GOLGB1: variants seen among roughly 807,000 people sequenced by gnomAD.
GOLGB1 encodes golgin subfamily B member 1.
GOLGB1 carries 174 observed loss-of-function variants against 336.9 expected under a neutral mutation model. The ratio of observed to expected loss-of-function variants is 0.52; its 90% CI spans 0.46 to 0.59. GOLGB1 has a LOEUF of 0.59. Among genes scored for constraint, GOLGB1 ranks in the 20% least tolerant of loss-of-function variants. GOLGB1 has a pLI of 0.00. For missense variants in GOLGB1, 3,331 were observed against 3,645.3 expected, an observed-to-expected ratio of 0.91 and a Z score of 2.22; for synonymous variants, 1,208 against 1,289.2, an observed-to-expected ratio of 0.94 and a Z score of 1.35.
At chr3:121,693,657 T>C in intron 13 of GOLGB1, 84 bp downstream of exon 13, 1 of 1,016,136 alleles carries the variant, frequency 9.8e-7, no homozygotes. Context: ...TTAGTCCCAT[T>C]GTCTAAAAGG....
chr3:121,741,531 G>A (rs773942085), intron 1 of GOLGB1, among the ~76,000 whole-genome samples: 2 of 152,190 alleles, frequency 1.3e-5, no homozygotes, highest in South Asian at 2.1e-4. Context: ...GGTGATATTC[G>A]TATCATCACT....
In GOLGB1 at chr3:121,668,118, T is replaced by C; in HGVS notation, c.9362A>G (p.Glu3121Gly). The C allele has an allele frequency of 6.2e-7, 1 of 1,608,568 alleles. No individual in the cohort carries two copies. Among genetic ancestry groups the C allele is most frequent in the Non-Finnish European group, 8.5e-7 (1 of 1,176,884 alleles). Residue 3121 changes from glutamate (E) to glycine (G), a missense_variant, in exon 19 of 22, where the codon GAA (glutamate) becomes GGA (glycine). By Grantham distance (98) the Glu-to-Gly change is moderately conservative. Coordinates refer to ENST00000614479, the MANE Select transcript of GOLGB1 (RefSeq NM_001366282.2). ...ACTCTTTCTGTGAACTCCATTCTTT[T>C]CCTGGGGAGCTCCTGGAGCAACATC... ...NIDVAPGAPQ[E>G]KNGVHRKSDP...
chr3:121,738,710 G>A (rs1229754347), intron 1 of GOLGB1, among the ~76,000 whole-genome samples: 1 of 152,128 alleles, frequency 6.6e-6, no homozygotes. Flanking sequence ...TGAAGAGTTG[G>A]GGCTCTCTTC....
intron 1 of GOLGB1, among the ~76,000 whole-genome samples, chr3:121,747,150 T>TTATATATATATA (rs548032779): frequency 6.1e-5 from 3 of 49,568 alleles, no homozygotes; most frequent in Non-Finnish European, 7.1e-5. Context: ...TACATGGATG[T>TTATATATATATA]TATATATATA....
In GOLGB1 at chr3:121,691,429, C is replaced by G. The variant is rs1942405832; in HGVS notation, c.7935G>C (p.Glu2645Asp). 6.2e-7 allele frequency: 1 copy of G among 1,613,654 alleles called. No homozygotes were observed. The highest frequency in any genetic ancestry group is 8.5e-7 in the Non-Finnish European group (1 of 1,179,972). Residue 2645 changes from glutamate to aspartate, a missense_variant, in exon 14 of 22, where the codon GAG becomes GAC. Transcript: ENST00000614479. The part of the protein sequence containing the change: ...YHAQLKVKEE[E>D]VHRLSALFSS... The stretch of plus-strand genomic sequence containing the variant: ...AAAACAAAGCACTTAACCTGTGTAC[C>G]TCTTCTTCTTTTACTTTTAACTGGG...
intron 17 of GOLGB1, among the ~76,000 whole-genome samples, chr3:121,672,066 A>G (rs1280311373): frequency 2.6e-5 from 4 of 152,096 alleles, no homozygotes; most frequent in African/African-American, 7.2e-5. Context: ...CATTGATTCT[A>G]TGTTTTGTTT....
At chr3:121,721,493 G>A (rs1037528679) in intron 6 of GOLGB1, among the ~76,000 whole-genome samples, 1 of 152,132 alleles carries the variant, frequency 6.6e-6, no homozygotes, top group Non-Finnish European at 1.5e-5. Context: ...GCCAGATGCA[G>A]TGGCACATGC....
chr3:121,720,256 T>A (rs1560292136), intron 6 of GOLGB1, among the ~76,000 whole-genome samples: 1 of 152,206 alleles, frequency 6.6e-6, no homozygotes, highest in Non-Finnish European at 1.5e-5. Flanking sequence ...ATCTTTCTAG[T>A]CTTATTTTCA....
intron 1 of GOLGB1, among the ~76,000 whole-genome samples, chr3:121,741,790 A>G (rs1006633141): frequency 6.6e-5 from 10 of 152,146 alleles, no homozygotes; most frequent in African/African-American, 2.4e-4. Flanking sequence ...TGACAAACTG[A>G]GAAGCAATGA....
rs1165411450 is a variant in GOLGB1 at position 121,692,228 on chromosome 3, T to C, written c.7136A>G (p.His2379Arg). 13 of 1,598,030 alleles carry C rather than the reference T, an allele frequency of 8.1e-6. No individual in the cohort carries two copies. The highest frequency in any genetic ancestry group is 6.7e-5 in the East Asian group (3 of 44,834). The stretch of plus-strand genomic sequence containing the variant: ...TTGCTCTTTCATATTTATTTCTTCA[T>C]GCAGCCTACTGGTCAGTTCTCTGGA... ...QASRELTSRL[H>R]EEINMKEQKI... The change falls in exon 14 of 22, where the codon CAT (histidine) becomes CGT (arginine). Residue 2379 changes from histidine (H) to arginine (R), a missense_variant. By Grantham distance (29) the His-to-Arg change is conservative. Transcript: ENST00000614479.
intron 6 of GOLGB1, among the ~76,000 whole-genome samples, chr3:121,720,344 T>C (rs564015634): frequency 1.3e-5 from 2 of 152,364 alleles, no homozygotes; most frequent in East Asian, 3.9e-4. Context: ...TCAGCTGTCA[T>C]TACTTGCAGC....
At chr3:121,748,598 A>G (rs1348051341) in intron 1 of GOLGB1, among the ~76,000 whole-genome samples, 1 of 152,184 alleles carries the variant, frequency 6.6e-6, no homozygotes, top group Non-Finnish European at 1.5e-5. Flanking sequence ...TTCCAATAGG[A>G]TATTTCCTGA....
chr3:121,691,735 T>C lies in GOLGB1; in HGVS notation c.7629A>G (p.Glu2543=). The C allele has an allele frequency of 6.2e-7, 1 of 1,613,650 alleles. No individual in the cohort carries two copies. The highest frequency in any genetic ancestry group is 8.5e-7 in the Non-Finnish European group (1 of 1,179,846). ...TTATTGTTATCACTTGGTTCAGGTC[T>C]TCTCTATATTGGATCAGTTCTGCAT... ...KLDAELIQYR[E]DLNQVITIKD... Residue 2543 remains glutamate (E), a synonymous_variant, in exon 14 of 22, where the codon GAA becomes GAG. Transcript: ENST00000614479.
chr3:121,707,264 A>C (rs1370223106), intron 10 of GOLGB1, among the ~76,000 whole-genome samples: 1 of 151,330 alleles, frequency 6.6e-6, no homozygotes, highest in East Asian at 1.9e-4. Context: ...ACAAACAAAC[A>C]AAAAAACCCA....
In GOLGB1 at chr3:121,677,411, C is replaced by T; in HGVS notation, c.8913G>A (p.Met2971Ile). 1.2e-6 allele frequency: 2 copies of T among 1,608,450 alleles called. No homozygotes were observed. The highest frequency in any genetic ancestry group is 1.7e-6 in the Non-Finnish European group (2 of 1,174,992). ...AGATAGCCATAAGGTACTGTTCCTT[C>T]ATTCTCCTCTCATGTATTTCCCAGG... is the stretch of plus-strand genomic sequence containing the variant. The part of the protein sequence containing the change: ...KSSWEIHERR[M>I]KEQYLMAISD... The change falls in exon 16 of 22, where the codon ATG (methionine) becomes ATA (isoleucine). Residue 2971 changes from methionine to isoleucine, a missense_variant. By Grantham distance (10) the Met-to-Ile change is conservative. Coordinates refer to ENST00000614479, the MANE Select transcript of GOLGB1 (RefSeq NM_001366282.2).
chr3:121,664,234 C>A lies in GOLGB1; in HGVS notation c.*246G>T. 1 of 506,410 alleles carries A rather than the reference C, an allele frequency of 2.0e-6. No homozygotes were observed. Among genetic ancestry groups the A allele is most frequent in the Non-Finnish European group, 3.6e-6 (1 of 280,976 alleles). The allele number at this position is 506,410 out of a possible 1,614,324, so 31.4% of individuals were successfully genotyped here. A position where few individuals can be genotyped will look rare whatever the true frequency, so the allele number is the denominator to read the frequency against. ...CTCAACAAATATTAGGCTCAACAAA[C>A]CAAATGTGATTCTCAGATTAAGCAG... On this transcript the variant is annotated 3_prime_UTR_variant, in exon 22 of 22. Transcript: ENST00000614479.
chr3:121,681,631 T>C, intron 15 of GOLGB1, 56 bp downstream of exon 15: 1 of 1,249,188 alleles, frequency 8.0e-7, no homozygotes, highest in Non-Finnish European at 1.1e-6. Context: ...CTACAATTAT[T>C]TCAAAATAAA....
rs769833587 is a variant in GOLGB1, at chr3:121,698,907, T to A, written c.1616A>T (p.Asn539Ile). 13 of 1,580,072 alleles carry A rather than the reference T, an allele frequency of 8.2e-6. No homozygotes were observed. Among genetic ancestry groups the A allele is most frequent in the Non-Finnish European group, 9.4e-6 (11 of 1,165,652 alleles). ...VSEISIVDIANKRSSSAEESG... is the reference protein window; with the variant it reads ...VSEISIVDIAIKRSSSAEESG... ...TTCCTCAGCAGAAGAGCTCCTCTTG[T>A]TGGCAATATCAACAATGCTGATCTA... The change falls in exon 13 of 22, where the codon AAC becomes ATC. Residue 539 changes from asparagine (N) to isoleucine (I), a missense_variant. Transcript: ENST00000614479.
At chr3:121,670,386 G>C (rs1307107389) in intron 17 of GOLGB1, among the ~76,000 whole-genome samples, 1 of 152,210 alleles carries the variant, frequency 6.6e-6, no homozygotes, top group Non-Finnish European at 1.5e-5. Flanking sequence ...TTTTAGAGGA[G>C]AGACGACAGT....
Sources: gnomAD v4.1 joint callset for allele counts (sites outside exome capture counted in the v4.1 genomes callset) on GRCh38, gnomAD v4.1.1 for gene constraint, MANE v1.5 for transcripts, NCBI Gene and HGNC (gene_info 2026-07-23, HGNC 2026-07-21) for gene names.